Variants in GRIN3A observed in about 807,000 individuals in gnomAD.
GRIN3A encodes the protein glutamate ionotropic receptor NMDA type subunit 3A.
In GRIN3A, 47 loss-of-function variants were observed where a neutral mutation model predicts 92.4. The observed-to-expected ratio is 0.51, with a 90% CI of 0.40 to 0.65. The LOEUF (loss-of-function observed/expected upper bound fraction) is 0.65, where lower values mean the gene tolerates loss of function less well. GRIN3A is among the 30% of genes least tolerant of loss of function. The pLI, the probability that GRIN3A is intolerant of heterozygous loss-of-function variation, is 0.00. For missense variants in GRIN3A, 1,324 were observed against 1,393.1 expected, an observed-to-expected ratio of 0.95 and a Z score of 0.79; for synonymous variants, 527 against 540.6, an observed-to-expected ratio of 0.97 and a Z score of 0.35.
In GRIN3A at chr9:101,641,710, A is replaced by G. The variant is rs183330930; in HGVS notation, c.2353-13309T>C. Among the ~76,000 whole-genome samples, 681 of 151,910 alleles carry G rather than the reference A, an allele frequency of 4.5e-3. 8 individuals carry two copies. Among genetic ancestry groups the G allele is most frequent in the African/African-American group, 0.014 (560 of 41,410 alleles). On this transcript the variant is annotated intron_variant, in intron 3 of 8. Coordinates refer to ENST00000361820, the MANE Select transcript of GRIN3A (RefSeq NM_133445.3). ...ACGAGTTAATGGGTGCAGCATACCA[A>G]CATGGCACATGTATACATATGTAAC...
At chr9:101,644,319 C>T (rs745451713) in intron 3 of GRIN3A, among the ~76,000 whole-genome samples, 7 of 151,682 alleles carry the variant, frequency 4.6e-5, no homozygotes, top group Non-Finnish European at 8.8e-5. Context: ...AGTGATGTTA[C>T]ACCTTAATTA....
chr9:101,657,767 C>A (rs904358269), intron 3 of GRIN3A, among the ~76,000 whole-genome samples: 1 of 131,230 alleles, frequency 7.6e-6, no homozygotes. Flanking sequence ...TAAGCAACTT[C>A]TTCTTTTTAG....
rs1438672669 is a variant in GRIN3A, at chr9:101,628,342, A to C, written c.2412T>G (p.Asp804Glu). 2 of 1,613,984 alleles carry C rather than the reference A, an allele frequency of 1.2e-6. No homozygotes were observed. Among genetic ancestry groups the C allele is most frequent in the Non-Finnish European group, 1.7e-6 (2 of 1,179,906 alleles). ...TCTCTGGGAAACTTTGTCTCACATAATCTTCAGCACTGCTTTCTCGGACAG... is the reference window on the plus strand; with the variant it reads ...TCTCTGGGAAACTTTGTCTCACATACTCTTCAGCACTGCTTTCTCGGACAG... ...FGTVRESSAEDYVRQSFPEMH... is the reference protein window; with the variant it reads ...FGTVRESSAEEYVRQSFPEMH... The change falls in exon 4 of 9, where the codon GAT becomes GAG. Residue 804 changes from aspartate (D) to glutamate (E), a missense_variant. Coordinates refer to ENST00000361820, the MANE Select transcript of GRIN3A (RefSeq NM_133445.3).
At chr9:101,697,179 T>C (rs887753372) in intron 1 of GRIN3A, among the ~76,000 whole-genome samples, 1 of 152,216 alleles carries the variant, frequency 6.6e-6, no homozygotes, top group African/African-American at 2.4e-5. Flanking sequence ...AGTATCTCAA[T>C]ACATTTCTAT....
chr9:101,666,542 T>C (rs1829238790), intron 3 of GRIN3A, among the ~76,000 whole-genome samples: 1 of 151,928 alleles, frequency 6.6e-6, no homozygotes, highest in African/African-American at 2.4e-5. Context: ...TGATGGGTAC[T>C]AGTCTTAATA....
Position 101,617,598 on chromosome 9 carries a change from ATATTT to A in GRIN3A, c.2615-4076_2615-4072del, listed in dbSNP as rs926960132. Among the ~76,000 whole-genome samples, 75 of 152,048 alleles carry A rather than the reference ATATTT, an allele frequency of 4.9e-4. No individual in the cohort carries two copies. The Middle Eastern group carries it at 0.01, about 21-fold the overall frequency. On this transcript the variant is annotated intron_variant, in intron 5 of 8. Coordinates refer to ENST00000361820, the MANE Select transcript of GRIN3A (RefSeq NM_133445.3). ...GTTTAAATACATGTATTGAATATTG[ATATTT>A]TATTTTATTTTATTTTATTTATTTA...
Position 101,605,240 on chromosome 9 carries a change from G to T in GRIN3A, c.2766+8136C>A, listed in dbSNP as rs997878635. On this transcript the variant is annotated intron_variant, in intron 6 of 8. Coordinates refer to ENST00000361820, the MANE Select transcript of GRIN3A (RefSeq NM_133445.3). ...GTGATTTGTCAAAGGTCATGGAACT[G>T]GTTCGCAGCAGTGTCAGGACAAATA... Among the ~76,000 whole-genome samples, 7 of 152,330 alleles carry T rather than the reference G, an allele frequency of 4.6e-5. No individual in the cohort carries two copies. The South Asian group carries it at 6.2e-4, about 14-fold the overall frequency.
Position 101,737,690 on chromosome 9 carries a change from C to T in GRIN3A, c.290G>A (p.Trp97Ter). 1 of 1,559,722 alleles carries T rather than the reference C, an allele frequency of 6.4e-7. No homozygotes were observed. The highest frequency in any genetic ancestry group is 8.6e-7 in the Non-Finnish European group (1 of 1,157,310). ...RSPAPSPGARWLGSTLHGRGP... is the reference protein window; with the variant it reads ...RSPAPSPGAR ...CCGGCCATGCAGGGTGCTCCCCAAC[C>T]AGCGTGCGCCCGGCGAGGGCGCCGG... is the stretch of plus-strand genomic sequence containing the variant. The change falls in exon 1 of 9, where the codon TGG becomes TAG. Residue 97 changes from tryptophan (W) to a stop codon, truncating the protein, a stop_gained. Transcript: ENST00000361820. LOFTEE classifies it high-confidence loss of function.
chr9:101,615,120 C>T (rs531040991), intron 5 of GRIN3A, among the ~76,000 whole-genome samples: 1 of 151,448 alleles, frequency 6.6e-6, no homozygotes, highest in African/African-American at 2.4e-5. Flanking sequence ...TGTTACTATA[C>T]TGTTAATCTC....
chr9:101,649,474 A>G (rs1170667704), intron 3 of GRIN3A, among the ~76,000 whole-genome samples: 3 of 151,994 alleles, frequency 2.0e-5, no homozygotes, highest in East Asian at 3.9e-4. Context: ...TGGGCTTTTC[A>G]TGAAGATTCC....
chr9:101,684,121 T>C (rs1397266610), intron 2 of GRIN3A, among the ~76,000 whole-genome samples: 1 of 149,116 alleles, frequency 6.7e-6, no homozygotes, highest in Non-Finnish European at 1.5e-5. Flanking sequence ...TTTCTTTCTT[T>C]TTTTTTTTGT....
chr9:101,607,804 AC>A (rs1828307251), intron 6 of GRIN3A, among the ~76,000 whole-genome samples: 1 of 152,204 alleles, frequency 6.6e-6, no homozygotes, highest in Non-Finnish European at 1.5e-5. Flanking sequence ...ATTAATAATT[AC>A]GCTTTCTCCT....
rs560096090 is a variant in GRIN3A at position 101,594,134 on chromosome 9, C to A, written c.2767-14774G>T. On this transcript the variant is annotated intron_variant, in intron 6 of 8. Coordinates refer to ENST00000361820, the MANE Select transcript of GRIN3A (RefSeq NM_133445.3). ...TAAAGTTCTAGTTTGGTCTTTGAAT[C>A]AAAACAAAGTAAAAGATGTTTATAA... 8.1e-6 allele frequency: 3 copies of A among 369,956 alleles called. No homozygotes were observed. In the South Asian group the frequency reaches 2.3e-4, roughly 28 times the overall value. 22.9% of individuals were successfully genotyped at this position (369,956 alleles called of 1,614,324 possible).
chr9:101,623,217 A>C, intron 5 of GRIN3A, 101 bp downstream of exon 5: 1 of 790,084 alleles, frequency 1.3e-6, no homozygotes, highest in Non-Finnish European at 2.3e-6. Flanking sequence ...ACGAGGGAAG[A>C]TGAATAGCTC....
At chr9:101,621,599 T>C (rs1457348774) in intron 5 of GRIN3A, among the ~76,000 whole-genome samples, 2 of 152,154 alleles carry the variant, frequency 1.3e-5, no homozygotes, top group South Asian at 2.1e-4. Context: ...TTGAAAACAA[T>C]GTGATGTCTA....
chr9:101,689,604 A>T (rs1161984884), intron 1 of GRIN3A, among the ~76,000 whole-genome samples: 1 of 152,172 alleles, frequency 6.6e-6, no homozygotes, highest in African/African-American at 2.4e-5. Context: ...TTCTTCAGAA[A>T]ATTATTAAAT....
intron 5 of GRIN3A, among the ~76,000 whole-genome samples, chr9:101,623,022 A>ACACAC (rs56333251): frequency 6.7e-6 from 1 of 149,852 alleles, no homozygotes; most frequent in Admixed American, 6.6e-5. Flanking sequence ...ACACACACAC[A>ACACAC]ATACAGATTA....
intron 1 of GRIN3A, among the ~76,000 whole-genome samples, chr9:101,719,098 C>T (rs4615635): frequency 0.32 from 49,121 of 151,988 alleles, 9,060 homozygotes; most frequent in Non-Finnish European, 0.41. Context: ...CACCGATTCT[C>T]TTTCTGACAG....
intron 1 of GRIN3A, among the ~76,000 whole-genome samples, chr9:101,704,823 T>A (rs1716921277): frequency 6.6e-6 from 1 of 152,202 alleles, no homozygotes; most frequent in Non-Finnish European, 1.5e-5. Context: ...TAATTTAATT[T>A]AAGATGTTTT....
Sources: gnomAD v4.1 joint callset for allele counts (sites outside exome capture counted in the v4.1 genomes callset) on GRCh38, gnomAD v4.1.1 for gene constraint, MANE v1.5 for transcripts, NCBI Gene and HGNC (gene_info 2026-07-23, HGNC 2026-07-21) for gene names.